Variants in NFIA observed in about 807,000 individuals in gnomAD.
NFIA encodes nuclear factor I A.
A neutral mutation model predicts 62.8 loss-of-function variants in NFIA; 8 were observed. The ratio of observed to expected loss-of-function variants is 0.13; its 90% CI spans 0.07 to 0.23. The LOEUF (loss-of-function observed/expected upper bound fraction) is 0.23, where lower values mean the gene tolerates loss of function less well. Among genes scored for constraint, NFIA ranks in the 10% least tolerant of loss-of-function variants. NFIA has a pLI of 1.00. For synonymous variants in NFIA, 235 were observed against 238.1 expected, an observed-to-expected ratio of 0.99 and a Z score of 0.12; for missense variants, 410 against 642.1, an observed-to-expected ratio of 0.64 and a Z score of 3.91.
In NFIA at chr1:61,406,544, C is replaced by CGG; in HGVS notation, c.1255-18_1255-17insGG. On this transcript the variant is annotated splice_polypyrimidine_tract_variant and intron_variant, in intron 8 of 10. Transcript: ENST00000403491. The stretch of plus-strand genomic sequence containing the variant: ...CTTTTTCTTGTACGTGTGTTTTCTG[C>CGG]CCCCCCCCCCCCCACAGCCCAATGG... 1 of 79,276 alleles carries CGG rather than the reference C, an allele frequency of 1.3e-5. No homozygotes were observed. The highest frequency in any genetic ancestry group is 2.0e-5 in the Non-Finnish European group (1 of 49,444). 4.9% of individuals were successfully genotyped at this position (79,276 alleles called of 1,614,324 possible). A position where few individuals can be genotyped will look rare whatever the true frequency, so the allele number is the denominator to read the frequency against.
chr1:61,151,382 C>CTTTTTTTTTTT (rs60675167), intron 2 of NFIA, among the ~76,000 whole-genome samples: 1 of 141,748 alleles, frequency 7.1e-6, no homozygotes, highest in Non-Finnish European at 1.5e-5. Context: ...GCTAATACAG[C>CTTTTTTTTTTT]TTTTTTTTTT....
intron 10 of NFIA, among the ~76,000 whole-genome samples, chr1:61,435,058 C>G (rs1412167812): frequency 6.6e-6 from 1 of 152,118 alleles, no homozygotes; most frequent in Non-Finnish European, 1.5e-5. Flanking sequence ...TGCAGAAATG[C>G]CATCAACATT....
At chr1:61,415,232 G>A (rs889763482) in intron 9 of NFIA, among the ~76,000 whole-genome samples, 3 of 151,852 alleles carry the variant, frequency 2.0e-5, no homozygotes, top group Non-Finnish European at 2.9e-5. Flanking sequence ...AATTTCAGCC[G>A]GAATCAAAAA....
intron 4 of NFIA, among the ~76,000 whole-genome samples, chr1:61,336,404 G>T (rs1377854428): frequency 6.6e-6 from 1 of 151,966 alleles, no homozygotes; most frequent in East Asian, 1.9e-4. Flanking sequence ...ACAGTTTTAG[G>T]TTAACAGAAA....
At chr1:61,221,249 T>C (rs1653999751) in intron 2 of NFIA, among the ~76,000 whole-genome samples, 1 of 152,136 alleles carries the variant, frequency 6.6e-6, no homozygotes, top group African/African-American at 2.4e-5. Context: ...ACTATTATTA[T>C]TGAGGAAGAG....
At chr1:61,095,441 T>C (rs1011549126) in intron 2 of NFIA, among the ~76,000 whole-genome samples, 5 of 152,218 alleles carry the variant, frequency 3.3e-5, no homozygotes, top group Admixed American at 2.6e-4. Context: ...TCAAATCTTA[T>C]GCTCTTAAAC....
chr1:61,338,407 C>A (rs1168422122), intron 4 of NFIA, among the ~76,000 whole-genome samples: 1 of 152,224 alleles, frequency 6.6e-6, no homozygotes, highest in Non-Finnish European at 1.5e-5. Flanking sequence ...ACCCTAGTGG[C>A]TGTTTTCTGC....
intron 2 of NFIA, among the ~76,000 whole-genome samples, chr1:61,163,976 T>A (rs1324730452): frequency 6.6e-6 from 1 of 152,208 alleles, no homozygotes; most frequent in African/African-American, 2.4e-5. Context: ...TTCCTAAGAA[T>A]CTGGAAGTGC....
At chr1:61,419,262 G>A (rs1019141557) in intron 9 of NFIA, among the ~76,000 whole-genome samples, 3 of 152,112 alleles carry the variant, frequency 2.0e-5, no homozygotes, top group Admixed American at 6.6e-5. Flanking sequence ...GAGCAACATA[G>A]TGAGACCCCT....
At chr1:61,190,592 G>A (rs1056251062) in intron 2 of NFIA, among the ~76,000 whole-genome samples, 1 of 152,144 alleles carries the variant, frequency 6.6e-6, no homozygotes, top group Non-Finnish European at 1.5e-5. Flanking sequence ...CTATCTCAGG[G>A]TTTGTTGCAA....
At chr1:61,135,862 G>T (rs1447932415) in intron 2 of NFIA, among the ~76,000 whole-genome samples, 1 of 152,038 alleles carries the variant, frequency 6.6e-6, no homozygotes, top group Non-Finnish European at 1.5e-5. Context: ...CCTTATCCTT[G>T]TCTGGACATA....
intron 2 of NFIA, among the ~76,000 whole-genome samples, chr1:61,123,304 A>G (rs2100474477): frequency 7.6e-6 from 1 of 131,006 alleles, no homozygotes; most frequent in Middle Eastern, 4.6e-3. Flanking sequence ...TTCATGTAAT[A>G]GTGCAGAGGG....
chr1:61,450,092 G>A (rs981883421), intron 10 of NFIA, among the ~76,000 whole-genome samples: 1 of 152,148 alleles, frequency 6.6e-6, no homozygotes, highest in African/African-American at 2.4e-5. Flanking sequence ...AGGCTATCTG[G>A]TATCATGAAG....
At chr1:61,091,921 A>G (rs998724059) in intron 2 of NFIA, among the ~76,000 whole-genome samples, 19 of 152,136 alleles carry the variant, frequency 1.2e-4, no homozygotes, top group African/African-American at 4.3e-4. Flanking sequence ...TTCTCAGTCA[A>G]ATTAGTTAGA....
chr1:61,104,300 G>T (rs1646559198), intron 2 of NFIA, among the ~76,000 whole-genome samples: 1 of 151,966 alleles, frequency 6.6e-6, no homozygotes. Context: ...TTTGTACGTT[G>T]TATGTCTGTC....
chr1:61,436,232 A>C (rs1396084696), intron 10 of NFIA, among the ~76,000 whole-genome samples: 1 of 151,912 alleles, frequency 6.6e-6, no homozygotes, highest in Non-Finnish European at 1.5e-5. Context: ...CTCTTTTATG[A>C]CTTGGAACCA....
chr1:61,456,853 A>G lies in NFIA; in HGVS notation c.*1533A>G, dbSNP rs1668331232. The G allele has an allele frequency of 6.6e-6, 1 of 151,630 alleles. No homozygotes were observed. The highest frequency in any genetic ancestry group is 2.4e-5 in the African/African-American group (1 of 41,344). 9.4% of individuals were successfully genotyped at this position (151,630 alleles called of 1,614,324 possible). A position where few individuals can be genotyped will look rare whatever the true frequency, so the allele number is the denominator to read the frequency against. On this transcript the variant is annotated 3_prime_UTR_variant, in exon 11 of 11. Coordinates refer to ENST00000403491, the MANE Select transcript of NFIA (RefSeq NM_001134673.4). ...AACACAAAAAACCACAGAAACAAAA[A>G]CAAAAAAAAGTGCAAGTGATTTTTC...
intron 2 of NFIA, among the ~76,000 whole-genome samples, chr1:61,115,320 T>C (rs542939284): frequency 4.9e-4 from 75 of 152,312 alleles, no homozygotes; most frequent in Admixed American, 8.5e-4. Flanking sequence ...TAAGGTAACA[T>C]GGTACAGGTT....
At chr1:61,411,969 G>A (rs1050956986) in intron 9 of NFIA, among the ~76,000 whole-genome samples, 9 of 152,026 alleles carry the variant, frequency 5.9e-5, no homozygotes, top group East Asian at 3.9e-4. Flanking sequence ...AAATTACACC[G>A]GTTCTTATAG....
Sources: gnomAD v4.1 joint callset for allele counts (sites outside exome capture counted in the v4.1 genomes callset) on GRCh38, gnomAD v4.1.1 for gene constraint, MANE v1.5 for transcripts, NCBI Gene and HGNC (gene_info 2026-07-23, HGNC 2026-07-21) for gene names.